FOXP1: variants seen among roughly 807,000 people sequenced by gnomAD.
FOXP1 encodes forkhead box P1.
FOXP1 carries 15 observed loss-of-function variants against 98.2 expected under a neutral mutation model. That is an observed-to-expected ratio of 0.15 (90% CI 0.10 to 0.24). The LOEUF (loss-of-function observed/expected upper bound fraction) is 0.24. FOXP1 is among the 10% of genes least tolerant of loss of function. The pLI, the probability that FOXP1 is intolerant of heterozygous loss-of-function variation, is 1.00. For missense variants in FOXP1, 633 were observed against 848.5 expected (o/e 0.75, Z 3.15); for synonymous variants, 371 against 314.5 (o/e 1.18, Z -1.90).
At chr3:71,235,131 GA>G (rs11292668) in intron 5 of FOXP1, among the ~76,000 whole-genome samples, 93,593 of 150,984 alleles carry the variant, frequency 0.62, 29,021 homozygotes, top group East Asian at 0.67. Context: ...TTCTGATGGG[GA>G]AAAAAAAAAT....
chr3:71,286,656 G>A (rs567361572), intron 5 of FOXP1, among the ~76,000 whole-genome samples: 2 of 152,234 alleles, frequency 1.3e-5, no homozygotes, highest in African/African-American at 4.8e-5. Context: ...TGCAAATCAA[G>A]TTGGGGAAGT....
At chr3:71,578,945 T>G (rs934703777) in intron 2 of FOXP1, among the ~76,000 whole-genome samples, 1 of 152,232 alleles carries the variant, frequency 6.6e-6, no homozygotes, top group African/African-American at 2.4e-5. Flanking sequence ...TGCAGAAAAT[T>G]GCCTAATAGC....
At chr3:71,207,533 T>C (rs1170273865) in intron 5 of FOXP1, among the ~76,000 whole-genome samples, 4 of 152,138 alleles carry the variant, frequency 2.6e-5, no homozygotes, top group African/African-American at 7.2e-5. Flanking sequence ...ATATGTATTT[T>C]CCCCCCTGAA....
chr3:71,518,344 A>G (rs1431968752), intron 2 of FOXP1, among the ~76,000 whole-genome samples: 1 of 152,216 alleles, frequency 6.6e-6, no homozygotes, highest in African/African-American at 2.4e-5. Context: ...CAGTCAACCA[A>G]AAACCTCCCC....
At chr3:70,960,630 A>G (rs998005643) in intron 20 of FOXP1, among the ~76,000 whole-genome samples, 3 of 152,132 alleles carry the variant, frequency 2.0e-5, no homozygotes, top group African/African-American at 7.2e-5. Flanking sequence ...GTTATCAAGT[A>G]TTAGTAATAA....
intron 3 of FOXP1, among the ~76,000 whole-genome samples, chr3:71,375,939 G>A (rs918700345): frequency 6.6e-6 from 1 of 152,164 alleles, no homozygotes; most frequent in Non-Finnish European, 1.5e-5. Flanking sequence ...CTATAGTATG[G>A]TAGGGATGGA....
Position 71,189,699 on chromosome 3 carries a change from AG to A in FOXP1, c.180+8502del, listed in dbSNP as rs1273258717. On this transcript the variant is annotated intron_variant, in intron 6 of 20. Coordinates refer to ENST00000649528, the MANE Select transcript of FOXP1 (RefSeq NM_001349338.3). ...GTATTTGCATACCTCATAATTCAAA[AG>A]GTCCTGTTTTTCCCAACACTCCCCT... Among the ~76,000 whole-genome samples the A allele has an allele frequency of 3.3e-5, 5 of 152,256 alleles. No individual in the cohort carries two copies. The East Asian group carries it at 9.7e-4, about 29-fold the overall frequency.
At chr3:71,446,115 A>T (rs1187375680) in intron 3 of FOXP1, among the ~76,000 whole-genome samples, 1 of 152,196 alleles carries the variant, frequency 6.6e-6, no homozygotes, top group Non-Finnish European at 1.5e-5. Context: ...TGTCATCACG[A>T]TGGCCAAAGC....
At chr3:71,198,434 G>GAA (rs961811361) in intron 5 of FOXP1, 42 bp from the exon 6 acceptor site, 10 of 604,820 alleles carry the variant, frequency 1.7e-5, no homozygotes, top group Admixed American at 1.2e-4. Flanking sequence ...GAGGGGGGGA[G>GAA]AAAAAAAAAG....
chr3:71,129,776 A>C (rs1179176322), intron 6 of FOXP1, among the ~76,000 whole-genome samples: 3 of 152,184 alleles, frequency 2.0e-5, no homozygotes, highest in African/African-American at 7.2e-5. Context: ...GAGCCGTTAG[A>C]TTGCTCTTCT....
At chr3:71,174,306 C>T (rs974014576) in intron 6 of FOXP1, among the ~76,000 whole-genome samples, 3 of 152,140 alleles carry the variant, frequency 2.0e-5, no homozygotes, top group African/African-American at 7.2e-5. Context: ...GGTGCAGCGG[C>T]ATGCACCTGT....
At chr3:71,361,784 C>T (rs2078589993) in intron 3 of FOXP1, among the ~76,000 whole-genome samples, 4 of 152,296 alleles carry the variant, frequency 2.6e-5, no homozygotes, top group Admixed American at 2.0e-4. Context: ...TGAGAGCCCT[C>T]ATGTTTATTT....
At chr3:71,098,015 G>A (rs918210754) in intron 7 of FOXP1, among the ~76,000 whole-genome samples, 1 of 152,166 alleles carries the variant, frequency 6.6e-6, no homozygotes, top group Non-Finnish European at 1.5e-5. Context: ...TCTGTTGGTA[G>A]GCTGCATTTA....
At chr3:71,087,859 A>G (rs992751018) in intron 7 of FOXP1, among the ~76,000 whole-genome samples, 1 of 152,218 alleles carries the variant, frequency 6.6e-6, no homozygotes, top group Non-Finnish European at 1.5e-5. Context: ...TATATTATGC[A>G]AAAGCGACTC....
At chr3:71,203,510 T>A (rs1189075564) in intron 5 of FOXP1, among the ~76,000 whole-genome samples, 13 of 152,224 alleles carry the variant, frequency 8.5e-5, no homozygotes, top group Admixed American at 8.5e-4. Flanking sequence ...GGTTACAGTG[T>A]TGATGCTGAA....
At position 70,958,832 on chromosome 3, in the gene FOXP1, A is replaced by C. The variant is rs2032506962; in HGVS notation, c.*415T>G. On this transcript the variant is annotated 3_prime_UTR_variant, in exon 21 of 21. Transcript: ENST00000649528. ...AATAGGTCGTCCATTGGAATCCTTAAATTCTGGGCAAAGGCTTGGTCTGCA... is the reference window on the plus strand; with the variant it reads ...AATAGGTCGTCCATTGGAATCCTTACATTCTGGGCAAAGGCTTGGTCTGCA... 2.8e-6 allele frequency: 1 copy of C among 362,170 alleles called. No individual in the cohort carries two copies. Among genetic ancestry groups the C allele is most frequent in the Admixed American group, 4.5e-5 (1 of 22,426 alleles). 22.4% of individuals were successfully genotyped at this position (362,170 alleles called of 1,614,324 possible).
intron 5 of FOXP1, among the ~76,000 whole-genome samples, chr3:71,217,661 G>A (rs1334245022): frequency 1.3e-5 from 2 of 152,080 alleles, no homozygotes; most frequent in Non-Finnish European, 2.9e-5. Flanking sequence ...AAGTGGCCAA[G>A]CTTGACAGAG....
intron 3 of FOXP1, among the ~76,000 whole-genome samples, chr3:71,487,605 T>C (rs1035363315): frequency 6.6e-6 from 1 of 152,236 alleles, no homozygotes; most frequent in Admixed American, 6.5e-5. Flanking sequence ...CAATGATGTC[T>C]GCCAAGGCAC....
intron 3 of FOXP1, among the ~76,000 whole-genome samples, chr3:71,363,357 C>T (rs2078702798): frequency 6.6e-6 from 1 of 152,078 alleles, no homozygotes; most frequent in Non-Finnish European, 1.5e-5. Flanking sequence ...TTTGAGTACA[C>T]GTAGATCACT....
Sources: gnomAD v4.1 joint callset for allele counts (sites outside exome capture counted in the v4.1 genomes callset) on GRCh38, gnomAD v4.1.1 for gene constraint, MANE v1.5 for transcripts, NCBI Gene and HGNC (gene_info 2026-07-23, HGNC 2026-07-21) for gene names.